TRMT11: variants seen among roughly 807,000 people sequenced by gnomAD.
TRMT11 encodes tRNA (guanine(10)-N(2))-methyltransferase TRMT11.
TRMT11 carries 53 observed loss-of-function variants against 62.8 expected under a neutral mutation model. The ratio of observed to expected loss-of-function variants is 0.84; its 90% CI spans 0.68 to 1.06. The LOEUF is 1.06. Ranked by LOEUF, TRMT11 falls within the 50% of genes least tolerant of loss-of-function variation. The pLI is 0.00. For synonymous variants in TRMT11, 188 were observed against 190.3 expected, an observed-to-expected ratio of 0.99 and a Z score of 0.10; for missense variants, 556 against 553.4, an observed-to-expected ratio of 1.00 and a Z score of -0.05.
chr6:125,987,783 A>G (rs1293998068), intron 1 of TRMT11, among the ~76,000 whole-genome samples: 2 of 152,230 alleles, frequency 1.3e-5, no homozygotes, highest in African/African-American at 4.8e-5. Flanking sequence ...GAGTGTCTCC[A>G]TTTAAAATAG....
intron 17 of TRMT11, among the ~76,000 whole-genome samples, chr6:126,103,801 A>C (rs993781792): frequency 6.6e-6 from 1 of 152,206 alleles, no homozygotes; most frequent in Non-Finnish European, 1.5e-5. Flanking sequence ...ATTTGCTGGT[A>C]AGATGGAGTC....
At chr6:126,223,512 T>A in the TRMT11 span, among the ~76,000 whole-genome samples, 1 of 152,206 alleles carries the variant, frequency 6.6e-6, no homozygotes, top group African/African-American at 2.4e-5. Flanking sequence ...CTTGTAAGGT[T>A]TGGGCTGAAA....
chr6:126,061,212 A>T (rs1776526319), intron 17 of TRMT11, among the ~76,000 whole-genome samples: 1 of 152,228 alleles, frequency 6.6e-6, no homozygotes, highest in Non-Finnish European at 1.5e-5. Context: ...CCCACATCAG[A>T]CCTACCAAAG....
intron 17 of TRMT11, among the ~76,000 whole-genome samples, chr6:126,094,092 T>TACACACAC (rs113557278): frequency 1.4e-5 from 2 of 147,788 alleles, no homozygotes; most frequent in African/African-American, 5.0e-5. Context: ...GAAAATGTGA[T>TACACACAC]ACACACACAC....
chr6:126,272,235 A>T, the TRMT11 span, among the ~76,000 whole-genome samples: 1 of 152,148 alleles, frequency 6.6e-6, no homozygotes, highest in African/African-American at 2.4e-5. Flanking sequence ...AATTAACCAA[A>T]ACTAAGTAAG....
At chr6:126,033,867 T>C (rs1774681923) in intron 12 of TRMT11, among the ~76,000 whole-genome samples, 1 of 152,128 alleles carries the variant, frequency 6.6e-6, no homozygotes, top group Non-Finnish European at 1.5e-5. Flanking sequence ...AAGCCTTCCT[T>C]TGGTTTCTTT....
At chr6:126,091,869 A>G (rs1461465113) in intron 17 of TRMT11, among the ~76,000 whole-genome samples, 2 of 152,208 alleles carry the variant, frequency 1.3e-5, no homozygotes, top group Non-Finnish European at 1.5e-5. Flanking sequence ...AAATCGCCAC[A>G]TGGAAATTCA....
At chr6:126,151,911 C>CTT (rs1163619585) in intron 21 of TRMT11, among the ~76,000 whole-genome samples, 1 of 73,892 alleles carries the variant, frequency 1.4e-5, no homozygotes, top group Non-Finnish European at 2.6e-5. Flanking sequence ...TTTTCTCTTT[C>CTT]TTTCTTTCTT....
chr6:126,230,024 A>G, the TRMT11 span, among the ~76,000 whole-genome samples: 1 of 152,130 alleles, frequency 6.6e-6, no homozygotes, highest in Non-Finnish European at 1.5e-5. Flanking sequence ...CATCTAACTT[A>G]TACCAAACCT....
At chr6:126,196,092 TA>T (rs201627421) in intron 1 of TRMT11, among the ~76,000 whole-genome samples, 1 of 152,212 alleles carries the variant, frequency 6.6e-6, no homozygotes, top group East Asian at 1.9e-4. Flanking sequence ...CTCAGTGAGA[TA>T]AAATACTTTG....
intron 17 of TRMT11, among the ~76,000 whole-genome samples, chr6:126,077,344 T>A (rs1384163976): frequency 6.6e-6 from 1 of 152,198 alleles, no homozygotes; most frequent in Non-Finnish European, 1.5e-5. Context: ...AGAGTGACTT[T>A]CCTTTAACTT....
chr6:126,245,145 G>T, the TRMT11 span, among the ~76,000 whole-genome samples: 1 of 152,170 alleles, frequency 6.6e-6, no homozygotes, highest in African/African-American at 2.4e-5. Flanking sequence ...GGGAGGATAT[G>T]TGAGCAATTA....
chr6:126,040,817 T>G (rs144892703), downstream of TRMT11, among the ~76,000 whole-genome samples: 9 of 152,288 alleles, frequency 5.9e-5, no homozygotes, highest in African/African-American at 2.2e-4. Flanking sequence ...GTGGTGTTCA[T>G]CAGAGGTGCC....
At chr6:126,243,013 T>G in the TRMT11 span, among the ~76,000 whole-genome samples, 1 of 152,022 alleles carries the variant, frequency 6.6e-6, no homozygotes, top group Non-Finnish European at 1.5e-5. Context: ...CAGAGTGGGA[T>G]AAAATTTTTG....
the TRMT11 span, among the ~76,000 whole-genome samples, chr6:126,237,513 C>T: frequency 6.6e-6 from 1 of 151,986 alleles, no homozygotes; most frequent in Non-Finnish European, 1.5e-5. Context: ...AACCTTGTCT[C>T]TACAAAAAAT....
the TRMT11 span, chr6:126,257,842 G>C: frequency 9.4e-7 from 1 of 1,062,920 alleles, no homozygotes; most frequent in Non-Finnish European, 1.4e-6. Flanking sequence ...TGGCCACAGG[G>C]TCCGCTGGTA....
At chr6:126,064,725 C>T (rs1383087645) in intron 17 of TRMT11, among the ~76,000 whole-genome samples, 1 of 152,094 alleles carries the variant, frequency 6.6e-6, no homozygotes, top group Non-Finnish European at 1.5e-5. Flanking sequence ...AAGTTAGGCC[C>T]AGATTCATTG....
chr6:126,056,172 ATCTC>A (rs1428691925), intron 17 of TRMT11, among the ~76,000 whole-genome samples: 1 of 152,244 alleles, frequency 6.6e-6, no homozygotes, highest in Non-Finnish European at 1.5e-5. Flanking sequence ...TTCCTTAGCT[ATCTC>A]TCTTGGAATG....
At chr6:126,036,100 G>A (rs1775137585) in intron 12 of TRMT11, among the ~76,000 whole-genome samples, 1 of 152,112 alleles carries the variant, frequency 6.6e-6, no homozygotes, top group Admixed American at 6.6e-5. Context: ...TCCACAGGCA[G>A]TTTGAGGGGG....
Sources: gnomAD v4.1 joint callset for allele counts (sites outside exome capture counted in the v4.1 genomes callset) on GRCh38, gnomAD v4.1.1 for gene constraint, MANE v1.5 for transcripts, NCBI Gene and HGNC (gene_info 2026-07-23, HGNC 2026-07-21) for gene names.